CDH1: variants seen among roughly 807,000 people sequenced by gnomAD.
The protein encoded by CDH1 is cadherin-1.
A neutral mutation model predicts 84.5 loss-of-function variants in CDH1; 35 were observed. The observed-to-expected ratio is 0.41, with a 90% CI of 0.32 to 0.55. CDH1 has a LOEUF of 0.55. Among genes scored for constraint, CDH1 ranks in the 20% least tolerant of loss-of-function variants. The probability of loss-of-function intolerance (pLI) is 0.19; values close to 1 mark genes in which losing one functional copy is unlikely to be tolerated. For missense variants in CDH1, 994 were observed against 1,126.6 expected (o/e 0.88, Z 1.68); for synonymous variants, 417 against 439.0 (o/e 0.95, Z 0.63).
chr16:68,819,242 T>G lies in CDH1; in HGVS notation c.1566-38T>G, dbSNP rs34212204. The G allele has an allele frequency of 2.0e-5, 32 of 1,613,394 alleles. No homozygotes were observed. Among genetic ancestry groups the G allele is most frequent in the Admixed American group, 1.5e-4 (9 of 60,010 alleles). On this transcript the variant is annotated intron_variant, in intron 10 of 15. Coordinates refer to ENST00000261769, the MANE Select transcript of CDH1 (RefSeq NM_004360.5). ...CCGTTTTCAGCTACATGTTGTTTGC[T>G]GGTCCTATTCTAAAAGCCAGAGCTT...
chr16:68,754,953 T>A (rs1473256744), intron 2 of CDH1, among the ~76,000 whole-genome samples: 1 of 151,982 alleles, frequency 6.6e-6, no homozygotes. Flanking sequence ...AAGGATGGCA[T>A]TTGTGTAAAG....
chr16:68,804,155 C>A (rs1481282236), intron 3 of CDH1, among the ~76,000 whole-genome samples: 1 of 139,190 alleles, frequency 7.2e-6, no homozygotes. Context: ...GCTCTGTCAC[C>A]CAGGCTGGAG....
At chr16:68,749,159 G>A (rs1962825122) in intron 2 of CDH1, among the ~76,000 whole-genome samples, 1 of 152,204 alleles carries the variant, frequency 6.6e-6, no homozygotes, top group Non-Finnish European at 1.5e-5. Flanking sequence ...TGATTTGGGG[G>A]AAGGTTTCCA....
chr16:68,768,023 T>C (rs1382194351), intron 2 of CDH1, among the ~76,000 whole-genome samples: 1 of 152,170 alleles, frequency 6.6e-6, no homozygotes, highest in East Asian at 1.9e-4. Context: ...TGGCACGCTT[T>C]TGGCTCACTG....
intron 2 of CDH1, among the ~76,000 whole-genome samples, chr16:68,759,489 T>C (rs72787249): frequency 3.5e-5 from 5 of 142,196 alleles, no homozygotes; most frequent in Non-Finnish European, 7.6e-5. Flanking sequence ...TTTTCTTTCT[T>C]TTTTTTTTTT....
chr16:68,759,487 CTT>C (rs141278700), intron 2 of CDH1, among the ~76,000 whole-genome samples: 24 of 136,022 alleles, frequency 1.8e-4, no homozygotes, highest in Admixed American at 2.2e-4. Flanking sequence ...TCTTTTCTTT[CTT>C]TTTTTTTTTT....
At chr16:68,760,601 A>C (rs1253643075) in intron 2 of CDH1, among the ~76,000 whole-genome samples, 1 of 152,084 alleles carries the variant, frequency 6.6e-6, no homozygotes, top group African/African-American at 2.4e-5. Flanking sequence ...CTTTATTAAT[A>C]ATATCACAGA....
intron 2 of CDH1, among the ~76,000 whole-genome samples, chr16:68,787,975 G>A (rs911785987): frequency 4.6e-5 from 7 of 151,368 alleles, no homozygotes; most frequent in East Asian, 3.9e-4. Flanking sequence ...ATAGGCATGT[G>A]CCACCACGCC....
intron 2 of CDH1, among the ~76,000 whole-genome samples, chr16:68,743,214 C>T (rs1962612518): frequency 6.6e-6 from 1 of 152,222 alleles, no homozygotes; most frequent in Non-Finnish European, 1.5e-5. Context: ...GCTCTCGTAT[C>T]TCCCAGAAGC....
chr16:68,752,241 C>G (rs1222527942), intron 2 of CDH1, among the ~76,000 whole-genome samples: 1 of 152,182 alleles, frequency 6.6e-6, no homozygotes, highest in Admixed American at 6.5e-5. Flanking sequence ...CGTGAGCCAC[C>G]ACACCCAATC....
chr16:68,769,394 C>T (rs1959479956), intron 2 of CDH1, among the ~76,000 whole-genome samples: 1 of 152,040 alleles, frequency 6.6e-6, no homozygotes, highest in South Asian at 2.1e-4. Context: ...TGAGGCAGCA[C>T]ATGGTAAGAT....
At chr16:68,821,696 T>C (rs1596963000) in intron 11 of CDH1, among the ~76,000 whole-genome samples, 3 of 151,242 alleles carry the variant, frequency 2.0e-5, no homozygotes, top group African/African-American at 7.3e-5. Flanking sequence ...CTTCTTGGAG[T>C]AGTTAAAATT....
chr16:68,784,377 C>T (rs1959980276), intron 2 of CDH1, among the ~76,000 whole-genome samples: 1 of 152,108 alleles, frequency 6.6e-6, no homozygotes. Context: ...ATCTGGTCAT[C>T]TGACTCTGGT....
In CDH1 at chr16:68,801,764, A is replaced by C. The variant is rs2152126783; in HGVS notation, c.258A>C (p.Lys86Asn). The change falls in exon 3 of 16, where the codon AAA becomes AAC. Residue 86 changes from lysine to asparagine, a missense_variant. By Grantham distance (94) the Lys-to-Asn change is moderately conservative (BLOSUM62 0). Coordinates refer to ENST00000261769, the MANE Select transcript of CDH1 (RefSeq NM_004360.5). ...KVGTDGVITV[K>N]RPLRFHNPQI... ...GCACAGATGGTGTGATTACAGTCAA[A>C]AGGCCTCTACGGTTTCATAACCCAC... 1 of 1,614,138 alleles carries C rather than the reference A, an allele frequency of 6.2e-7. No individual in the cohort carries two copies.
rs148265259 is a variant in CDH1, at chr16:68,748,498, C to T, written c.163+10087C>T. Reference sequence around the variant, plus strand: ...CTTTTATTTTCTTTTTATAGCTATGCGGTATGGATGCACCATAGGTTATTT... The same window carrying T: ...CTTTTATTTTCTTTTTATAGCTATGTGGTATGGATGCACCATAGGTTATTT... On this transcript the variant is annotated intron_variant, in intron 2 of 15. Transcript: ENST00000261769. Among the ~76,000 whole-genome samples, 170 of 152,266 alleles carry T rather than the reference C, an allele frequency of 1.1e-3. 1 individual carries two copies. Among genetic ancestry groups the T allele is most frequent in the African/African-American group, 3.8e-3 (157 of 41,542 alleles).
At position 68,737,372 on chromosome 16, in the gene CDH1, G is replaced by A. The variant is rs886041159; in HGVS notation, c.-44G>A. The A allele has an allele frequency of 1.6e-5, 24 of 1,517,956 alleles. No individual in the cohort carries two copies. Among genetic ancestry groups the A allele is most frequent in the Middle Eastern group, 2.3e-4 (1 of 4,320 alleles). 94.0% of individuals were successfully genotyped at this position (1,517,956 alleles called of 1,614,324 possible). A position where few individuals can be genotyped will look rare whatever the true frequency, so the allele number is the denominator to read the frequency against. ...AGCCCGCTCCAGCCCGGCCCGACCCGACCGCACCCGGCGCCTGCCCTCGCT... is the reference window on the plus strand; with the variant it reads ...AGCCCGCTCCAGCCCGGCCCGACCCAACCGCACCCGGCGCCTGCCCTCGCT... On this transcript the variant is annotated 5_prime_UTR_variant, in exon 1 of 16. Transcript: ENST00000261769.
chr16:68,788,813 A>G (rs1326063673), intron 2 of CDH1, among the ~76,000 whole-genome samples: 1 of 152,144 alleles, frequency 6.6e-6, no homozygotes, highest in African/African-American at 2.4e-5. Flanking sequence ...CCTGACCAAC[A>G]TGGAGAAACC....
intron 2 of CDH1, among the ~76,000 whole-genome samples, chr16:68,760,781 G>A (rs1221387868): frequency 6.6e-6 from 1 of 152,150 alleles, no homozygotes; most frequent in Non-Finnish European, 1.5e-5. Context: ...TAGAATTCAG[G>A]TGGGGTGGGA....
intron 2 of CDH1, among the ~76,000 whole-genome samples, chr16:68,771,409 C>T (rs1338337831): frequency 3.9e-5 from 6 of 152,166 alleles, no homozygotes; most frequent in African/African-American, 1.4e-4. Flanking sequence ...ATCTGAGCCT[C>T]CCGAGTAGCT....
Sources: gnomAD v4.1 joint callset for allele counts (sites outside exome capture counted in the v4.1 genomes callset) on GRCh38, gnomAD v4.1.1 for gene constraint, MANE v1.5 for transcripts, NCBI Gene and HGNC (gene_info 2026-07-23, HGNC 2026-07-21) for gene names.